Variants in MLKL observed in about 807,000 individuals in gnomAD.
The protein encoded by MLKL is mixed lineage kinase domain-like protein.
MLKL carries 55 observed loss-of-function variants against 56.5 expected under a neutral mutation model. That is an observed-to-expected ratio of 0.97 (90% CI 0.78 to 1.22). The LOEUF (loss-of-function observed/expected upper bound fraction) is 1.22, where lower values mean the gene tolerates loss of function less well. Among genes scored for constraint, MLKL ranks in the 50% most tolerant of loss-of-function variants. The pLI is 0.00. For missense variants in MLKL, 694 were observed against 573.9 expected, an observed-to-expected ratio of 1.21 and a Z score of -2.14; for synonymous variants, 251 against 208.3, an observed-to-expected ratio of 1.20 and a Z score of -1.76.
intron 4 of MLKL, among the ~76,000 whole-genome samples, chr16:74,689,305 G>A (rs1055386548): frequency 1.3e-5 from 2 of 151,762 alleles, no homozygotes; most frequent in Non-Finnish European, 2.9e-5. Flanking sequence ...TAGTAGAGAC[G>A]GGGTTTCACC....
intron 2 of MLKL, among the ~76,000 whole-genome samples, chr16:74,693,312 A>G (rs1354249925): frequency 6.6e-6 from 1 of 151,932 alleles, no homozygotes; most frequent in Non-Finnish European, 1.5e-5. Flanking sequence ...TACTAAAAAT[A>G]CAAAAATTAG....
intron 4 of MLKL, among the ~76,000 whole-genome samples, 161 bp downstream of exon 4, chr16:74,691,116 T>C (rs1354845792): frequency 6.6e-6 from 1 of 151,648 alleles, no homozygotes; most frequent in Non-Finnish European, 1.5e-5. Flanking sequence ...GGTGGAAAGA[T>C]GTATTTAAGT....
intron 4 of MLKL, among the ~76,000 whole-genome samples, chr16:74,687,413 TAA>T (rs200354591): frequency 1.4e-5 from 2 of 145,032 alleles, no homozygotes; most frequent in African/African-American, 5.0e-5. Context: ...GTAGTTGGCT[TAA>T]AAAAAAAAAG....
At position 74,691,408 on chromosome 16, in the gene MLKL, C is replaced by T. The variant is rs754810640; in HGVS notation, c.591G>A (p.Lys197=). The T allele has an allele frequency of 6.8e-6, 11 of 1,614,130 alleles. No individual in the cohort carries two copies. The highest frequency in any genetic ancestry group is 1.7e-5 in the Admixed American group (1 of 60,024). Residue 197 remains lysine (K), a synonymous_variant, in exon 4 of 11, where the codon AAG becomes AAA. Transcript: ENST00000308807. The part of the protein sequence containing the change: ...EIPQEQIKEI[K]KEQLSGSPWI... ...ACGGGGATCCTGAAAGCTGCTCCTTCTTGATCTCCTTGATTTGCTCTTGCG... is the reference window on the plus strand; with the variant it reads ...ACGGGGATCCTGAAAGCTGCTCCTTTTTGATCTCCTTGATTTGCTCTTGCG...
At chr16:74,684,007 GCA>G in intron 5 of MLKL, among the ~76,000 whole-genome samples, 1 of 152,188 alleles carries the variant, frequency 6.6e-6, no homozygotes, top group East Asian at 1.9e-4. Flanking sequence ...GAGTGCAGTG[GCA>G]TGATATTGGC....
chr16:74,678,971 A>C lies in MLKL; in HGVS notation c.966T>G (p.His322Gln). The C allele has an allele frequency of 1.2e-6, 2 of 1,613,920 alleles. No individual in the cohort carries two copies. Among genetic ancestry groups the C allele is most frequent in the Non-Finnish European group, 1.7e-6 (2 of 1,179,880 alleles). The change falls in exon 7 of 11, where the codon CAT (histidine) becomes CAG (glutamine). Residue 322 changes from histidine (H) to glutamine (Q), a missense_variant. By Grantham distance (24) the His-to-Gln change is conservative (BLOSUM62 0). Coordinates refer to ENST00000308807, the MANE Select transcript of MLKL (RefSeq NM_152649.4). ...GAARGLYRLH[H>Q]SEAPELHGKI... Reference sequence around the variant, plus strand: ...TTCCGTGGAGTTCAGGTGCTTCTGAATGGTGTAGCCTGACACAGCCAAAGG... The same window carrying C: ...TTCCGTGGAGTTCAGGTGCTTCTGACTGGTGTAGCCTGACACAGCCAAAGG...
chr16:74,680,508 GT>G (rs1415640822), intron 6 of MLKL, among the ~76,000 whole-genome samples: 1 of 151,194 alleles, frequency 6.6e-6, no homozygotes, highest in Non-Finnish European at 1.5e-5. Flanking sequence ...TTTGTTTTTT[GT>G]TTTTTGTTTT....
chr16:74,700,426 C>G (rs755977990), intron 1 of MLKL, 27 bp downstream of exon 1: 2 of 152,592 alleles, frequency 1.3e-5, no homozygotes, highest in Non-Finnish European at 2.9e-5. Context: ...TCGGCCCCGC[C>G]GCCTCCTGGG....
rs539340484 is a variant in MLKL at position 74,693,669 on chromosome 16, C to A, written c.461-1253G>T. Among the ~76,000 whole-genome samples the A allele has an allele frequency of 2.0e-4, 30 of 146,724 alleles. No homozygotes were observed. The South Asian group carries it at 6.2e-3, about 30-fold the overall frequency. The stretch of plus-strand genomic sequence containing the variant: ...CCAGGCTGGAGTGCAGTGGAGCGAT[C>A]TCAGCTCACTGCAGGCTCCGCCCCG... On this transcript the variant is annotated intron_variant, in intron 2 of 10. Transcript: ENST00000308807.
chr16:74,679,027 T>C (rs1187538209), intron 6 of MLKL, 47 bp from the exon 7 acceptor site: 2 of 1,467,658 alleles, frequency 1.4e-6, no homozygotes, highest in East Asian at 4.5e-5. Context: ...GCCCAAACTT[T>C]CTTTGGGGGA....
Position 74,695,564 on chromosome 16 carries a change from A to T in MLKL, c.194T>A (p.Phe65Tyr), listed in dbSNP as rs1960980538. 2.5e-6 allele frequency: 4 copies of T among 1,614,156 alleles called. No homozygotes were observed. Among genetic ancestry groups the T allele is most frequent in the Middle Eastern group, 1.6e-4 (1 of 6,062 alleles). ...SEKLTTAMNRFKAALEEANGE... is the reference protein window; with the variant it reads ...SEKLTTAMNRYKAALEEANGE... The stretch of plus-strand genomic sequence containing the variant: ...ATTAGCCTCCTCCAGGGCAGCCTTG[A>T]AGCGGTTCATGGCTGTGGTTAACTT... The change falls in exon 2 of 11, where the codon TTC becomes TAC. Residue 65 changes from phenylalanine (F) to tyrosine (Y), a missense_variant. Phe to Tyr is a conservative substitution (Grantham distance 22). Coordinates refer to ENST00000308807, the MANE Select transcript of MLKL (RefSeq NM_152649.4).
intron 7 of MLKL, 76 bp downstream of exon 7, chr16:74,678,823 T>G: frequency 9.7e-7 from 1 of 1,025,740 alleles, no homozygotes; most frequent in Non-Finnish European, 1.5e-6. Context: ...ATCAAGCCTT[T>G]CTGAGACACT....
chr16:74,687,929 C>A (rs1178317906), intron 4 of MLKL, among the ~76,000 whole-genome samples: 1 of 150,754 alleles, frequency 6.6e-6, no homozygotes, highest in South Asian at 2.1e-4. Flanking sequence ...AGGTTCACAC[C>A]ATTCTCCTGC....
At chr16:74,677,590 A>T (rs1433018869) in intron 7 of MLKL, 2 of 152,190 alleles carry the variant, frequency 1.3e-5, no homozygotes, top group African/African-American at 4.8e-5. Context: ...TCTTGGGCTC[A>T]AAGTGATCCT....
intron 7 of MLKL, chr16:74,677,870 G>C (rs1385705801): frequency 1.3e-5 from 2 of 152,282 alleles, no homozygotes; most frequent in African/African-American, 4.8e-5. Context: ...AGTAGAGACA[G>C]TGTTTCACTA....
intron 7 of MLKL, 178 bp from the exon 8 acceptor site, chr16:74,675,942 T>A (rs1959570300): frequency 1.5e-6 from 1 of 665,946 alleles, no homozygotes. Flanking sequence ...GTTCAACTTA[T>A]CACAGTGCAG....
Position 74,679,905 on chromosome 16 carries a change from C to T in MLKL, c.957-925G>A, listed in dbSNP as rs115912355. Among the ~76,000 whole-genome samples, 16 of 152,132 alleles carry T rather than the reference C, an allele frequency of 1.1e-4. No homozygotes were observed. In the East Asian group the frequency reaches 1.2e-3, roughly 11 times the overall value. ...TGAGGGAGTACAGGAAGTAGGATGG[C>T]GAAGGAGAAGAAATCAAGCAAGAGG... On this transcript the variant is annotated intron_variant, in intron 6 of 10. Transcript: ENST00000308807.
intron 4 of MLKL, among the ~76,000 whole-genome samples, chr16:74,691,033 C>T (rs1052270961): frequency 1.3e-5 from 2 of 149,820 alleles, no homozygotes; most frequent in South Asian, 2.1e-4. Context: ...AACTGGGAAA[C>T]AAGGTTGGAA....
At chr16:74,692,794 C>A (rs1312289726) in intron 2 of MLKL, among the ~76,000 whole-genome samples, 1 of 152,184 alleles carries the variant, frequency 6.6e-6, no homozygotes, top group African/African-American at 2.4e-5. Flanking sequence ...TGGAGAGTCC[C>A]CTGGACTTTG....
Sources: allele counts gnomAD v4.1 joint callset (sites outside exome capture counted in the v4.1 genomes callset), GRCh38; gene constraint gnomAD v4.1.1; transcripts MANE v1.5; gene names NCBI Gene and HGNC (gene_info 2026-07-23, HGNC 2026-07-21).